RBFOX1: variants seen among roughly 807,000 people sequenced by gnomAD.
The protein encoded by RBFOX1 is RNA binding protein fox-1 homolog 1.
In RBFOX1, 8 loss-of-function variants were observed where a neutral mutation model predicts 57.7. The observed-to-expected ratio is 0.14, with a 90% CI of 0.08 to 0.25. The LOEUF (loss-of-function observed/expected upper bound fraction) is 0.25. Among genes scored for constraint, RBFOX1 ranks in the 10% least tolerant of loss-of-function variants. RBFOX1 has a pLI of 1.00. For synonymous variants in RBFOX1, 326 were observed against 222.4 expected (o/e 1.47, Z -4.15); for missense variants, 611 against 548.5 (o/e 1.11, Z -1.14).
intron 3 of RBFOX1, among the ~76,000 whole-genome samples, chr16:6,779,525 A>G (rs960115613): frequency 6.6e-6 from 1 of 150,968 alleles, no homozygotes; most frequent in Non-Finnish European, 1.5e-5. Flanking sequence ...TCATTTGAAT[A>G]TATACCCAAC....
intron 1 of RBFOX1, among the ~76,000 whole-genome samples, chr16:5,293,945 A>T (rs1393230905): frequency 6.6e-6 from 1 of 152,164 alleles, no homozygotes; most frequent in Non-Finnish European, 1.5e-5. Flanking sequence ...AGTAAAAAGT[A>T]CTGCCAGGAG....
At chr16:6,112,688 T>C (rs1308657121) in intron 1 of RBFOX1, among the ~76,000 whole-genome samples, 2 of 152,072 alleles carry the variant, frequency 1.3e-5, no homozygotes, top group Non-Finnish European at 2.9e-5. Context: ...CAAAACTCCG[T>C]CTCAAAAAAA....
intron 15 of RBFOX1, chr16:7,709,844 G>T: frequency 4.1e-6 from 5 of 1,228,878 alleles, no homozygotes; most frequent in Non-Finnish European, 5.1e-6. Flanking sequence ...CTTGAGTACA[G>T]TAAGACGTGC....
chr16:5,814,099 C>G (rs1410334150), intron 3 of RBFOX1, among the ~76,000 whole-genome samples: 1 of 152,098 alleles, frequency 6.6e-6, no homozygotes, highest in Non-Finnish European at 1.5e-5. Flanking sequence ...GTTAACTAAC[C>G]TGTAATTACT....
chr16:6,252,234 T>C (rs1244585294), intron 1 of RBFOX1, among the ~76,000 whole-genome samples: 1 of 152,076 alleles, frequency 6.6e-6, no homozygotes, highest in Non-Finnish European at 1.5e-5. Context: ...CCATTTCTTC[T>C]CTCAATACGC....
At chr16:7,159,528 T>C (rs1375328446) in intron 4 of RBFOX1, among the ~76,000 whole-genome samples, 1 of 152,200 alleles carries the variant, frequency 6.6e-6, no homozygotes, top group Non-Finnish European at 1.5e-5. Flanking sequence ...GCGCTAGGAC[T>C]ATAGCTTCCA....
At chr16:6,986,940 C>G (rs988051081) in intron 3 of RBFOX1, among the ~76,000 whole-genome samples, 2 of 152,166 alleles carry the variant, frequency 1.3e-5, no homozygotes, top group African/African-American at 4.8e-5. Context: ...CCTGCCCACC[C>G]CGCCTGCATT....
chr16:6,663,496 G>A (rs8047273), intron 3 of RBFOX1, among the ~76,000 whole-genome samples: 82,380 of 151,922 alleles, frequency 0.54, 22,854 homozygotes, highest in African/African-American at 0.64. Context: ...ACAAAGACAT[G>A]GGAGAAGGTT....
At chr16:7,355,700 C>T (rs13333785) in intron 4 of RBFOX1, among the ~76,000 whole-genome samples, 17 of 152,240 alleles carry the variant, frequency 1.1e-4, no homozygotes, top group African/African-American at 4.1e-4. Flanking sequence ...ATTTATTTGC[C>T]CTTCAGCAAA....
intron 4 of RBFOX1, among the ~76,000 whole-genome samples, chr16:7,074,107 T>G (rs1044307553): frequency 2.0e-5 from 3 of 152,246 alleles, no homozygotes; most frequent in African/African-American, 7.2e-5. Flanking sequence ...ATATTTGTTT[T>G]CTGTCTCTTT....
intron 5 of RBFOX1, among the ~76,000 whole-genome samples, chr16:7,525,832 G>C (rs941428677): frequency 2.6e-5 from 4 of 152,268 alleles, no homozygotes; most frequent in South Asian, 2.1e-4. Context: ...GGGAGAAAGA[G>C]GTTGAAGATG....
chr16:7,063,073 C>A (rs549923948), intron 4 of RBFOX1, among the ~76,000 whole-genome samples: 1 of 152,020 alleles, frequency 6.6e-6, no homozygotes, highest in Admixed American at 6.6e-5. Flanking sequence ...TCATACCCTG[C>A]AATGCCTCCC....
chr16:5,472,046 G>C (rs1045385928), intron 2 of RBFOX1, among the ~76,000 whole-genome samples: 2 of 152,162 alleles, frequency 1.3e-5, no homozygotes, highest in Non-Finnish European at 2.9e-5. Context: ...TGCCTTGTCT[G>C]CCTTCTCTGT....
At chr16:6,338,626 G>T (rs150827823) in intron 2 of RBFOX1, among the ~76,000 whole-genome samples, 1 of 152,146 alleles carries the variant, frequency 6.6e-6, no homozygotes, top group African/African-American at 2.4e-5. Context: ...GTACTTTAAA[G>T]GTTAGAAATC....
intron 2 of RBFOX1, among the ~76,000 whole-genome samples, chr16:5,486,941 C>A (rs764356020): frequency 6.6e-5 from 10 of 152,196 alleles, no homozygotes; most frequent in African/African-American, 2.2e-4. Flanking sequence ...TTCCCTTCTT[C>A]TTCAATGCTC....
In RBFOX1 at chr16:5,905,240, G is replaced by A. The variant is rs139351871; in HGVS notation, c.351+37905G>A. ...GTGCCACCACACCTAGCTAATTTTC[G>A]TATTATTAGTAGAGACGGCCCAGGC... On this transcript the variant is annotated intron_variant, in intron 4 of 19. Coordinates refer to the RBFOX1 transcript ENST00000641259. 3.0e-3 allele frequency among the ~76,000 whole-genome samples: 448 copies of A among 151,538 alleles called. 4 individuals carry two copies. Among genetic ancestry groups the A allele is most frequent in the Non-Finnish European group, 4.5e-3 (307 of 67,924 alleles).
chr16:6,020,397 C>T (rs577914436), intron 1 of RBFOX1, among the ~76,000 whole-genome samples: 1 of 152,274 alleles, frequency 6.6e-6, no homozygotes, highest in African/African-American at 2.4e-5. Flanking sequence ...GCTGCCTCCG[C>T]CCGCAGGGTG....
chr16:7,007,880 G>T (rs79140766), intron 3 of RBFOX1, among the ~76,000 whole-genome samples: 2,531 of 152,298 alleles, frequency 0.017, 75 homozygotes, highest in African/African-American at 0.057. Context: ...ACATGGACTT[G>T]TAAGAACCTT....
intron 1 of RBFOX1, among the ~76,000 whole-genome samples, chr16:6,043,977 C>G (rs1054310539): frequency 2.0e-5 from 3 of 152,140 alleles, no homozygotes; most frequent in African/African-American, 7.2e-5. Flanking sequence ...AATAATTTTG[C>G]TGCTACTAAT....
Sources: gnomAD v4.1 joint callset for allele counts (sites outside exome capture counted in the v4.1 genomes callset) on GRCh38, gnomAD v4.1.1 for gene constraint, MANE v1.5 for transcripts, NCBI Gene and HGNC (gene_info 2026-07-23, HGNC 2026-07-21) for gene names.